GPC6: variants seen among roughly 807,000 people sequenced by gnomAD.
GPC6 encodes glypican-6.
GPC6 carries 14 observed loss-of-function variants against 55.2 expected under a neutral mutation model. The ratio of observed to expected loss-of-function variants is 0.25; its 90% CI spans 0.17 to 0.40. The LOEUF (loss-of-function observed/expected upper bound fraction) is 0.40, where lower values mean the gene tolerates loss of function less well. GPC6 is among the 10% of genes least tolerant of loss of function. The probability of loss-of-function intolerance (pLI) is 1.00; values close to 1 mark genes in which losing one functional copy is unlikely to be tolerated. For synonymous variants in GPC6, 278 were observed against 259.6 expected, an observed-to-expected ratio of 1.07 and a Z score of -0.68; for missense variants, 641 against 708.5, an observed-to-expected ratio of 0.90 and a Z score of 1.08.
intron 1 of GPC6, among the ~76,000 whole-genome samples, chr13:93,249,326 A>T (rs1876708701): frequency 6.6e-6 from 1 of 152,220 alleles, no homozygotes; most frequent in Non-Finnish European, 1.5e-5. Context: ...AATCCTAAAA[A>T]TTGCTGTGTA....
At chr13:94,008,791 C>T (rs980236138) in intron 3 of GPC6, among the ~76,000 whole-genome samples, 4 of 152,084 alleles carry the variant, frequency 2.6e-5, no homozygotes, top group Non-Finnish European at 5.9e-5. Context: ...AATTTGCAAG[C>T]CATTATTATC....
chr13:93,331,180 T>G (rs943264287), intron 1 of GPC6, among the ~76,000 whole-genome samples: 1 of 152,202 alleles, frequency 6.6e-6, no homozygotes, highest in Non-Finnish European at 1.5e-5. Context: ...TCCTTTCTTC[T>G]CTCTTCCTCC....
intron 3 of GPC6, among the ~76,000 whole-genome samples, chr13:94,000,908 G>A (rs531628248): frequency 5.9e-5 from 9 of 152,292 alleles, no homozygotes; most frequent in African/African-American, 2.2e-4. Flanking sequence ...TTACTAAGGA[G>A]CACCTGCTGG....
chr13:93,514,793 A>G (rs1334311043), intron 1 of GPC6, among the ~76,000 whole-genome samples: 2 of 152,206 alleles, frequency 1.3e-5, no homozygotes, highest in African/African-American at 2.4e-5. Flanking sequence ...TTGAGTGTTC[A>G]TGAGGGACAG....
At chr13:93,629,150 T>A (rs945034981) in intron 2 of GPC6, among the ~76,000 whole-genome samples, 7 of 152,154 alleles carry the variant, frequency 4.6e-5, no homozygotes, top group Non-Finnish European at 8.8e-5. Context: ...GAGCTCTGCT[T>A]AGCAGAGTTA....
At chr13:93,302,936 A>G (rs529841965) in intron 1 of GPC6, among the ~76,000 whole-genome samples, 2 of 152,336 alleles carry the variant, frequency 1.3e-5, no homozygotes, top group Admixed American at 1.3e-4. Context: ...AAACATAAGC[A>G]AAACTTGAGC....
chr13:93,749,160 C>T (rs986114238), intron 2 of GPC6, among the ~76,000 whole-genome samples: 7 of 151,998 alleles, frequency 4.6e-5, no homozygotes, highest in Non-Finnish European at 7.4e-5. Flanking sequence ...GTTTCAACTT[C>T]TCACATACTC....
intron 4 of GPC6, among the ~76,000 whole-genome samples, chr13:94,169,493 G>C (rs1888484663): frequency 6.6e-6 from 1 of 152,190 alleles, no homozygotes; most frequent in Admixed American, 6.5e-5. Context: ...CAGAGGGTTA[G>C]AGGGTTAACT....
At chr13:93,761,260 G>A (rs1448591824) in intron 2 of GPC6, among the ~76,000 whole-genome samples, 1 of 152,258 alleles carries the variant, frequency 6.6e-6, no homozygotes, top group East Asian at 1.9e-4. Flanking sequence ...TTTTCTTTTA[G>A]TGTGAAATAT....
At chr13:94,224,576 T>C (rs1378365021) in intron 4 of GPC6, among the ~76,000 whole-genome samples, 2 of 152,044 alleles carry the variant, frequency 1.3e-5, no homozygotes, top group Admixed American at 1.3e-4. Flanking sequence ...ATAAGGTGGA[T>C]GGATGCCTGA....
intron 1 of GPC6, among the ~76,000 whole-genome samples, chr13:93,485,232 G>A (rs530737307): frequency 2.1e-3 from 322 of 152,282 alleles, no homozygotes; most frequent in African/African-American, 7.3e-3. Flanking sequence ...ACAAAGGGGA[G>A]TCCCACAGGT....
At chr13:93,768,753 T>C (rs547260280) in intron 2 of GPC6, among the ~76,000 whole-genome samples, 1 of 152,326 alleles carries the variant, frequency 6.6e-6, no homozygotes, top group South Asian at 2.1e-4. Flanking sequence ...ATGCAGGCTC[T>C]GAAGACTTAT....
At chr13:93,849,874 C>T (rs942506559) in intron 3 of GPC6, among the ~76,000 whole-genome samples, 9 of 151,836 alleles carry the variant, frequency 5.9e-5, no homozygotes, top group East Asian at 3.9e-4. Context: ...ACATTTTTAC[C>T]GTGAATTATT....
chr13:93,306,579 G>C (rs1878865078), intron 1 of GPC6, among the ~76,000 whole-genome samples: 1 of 152,012 alleles, frequency 6.6e-6, no homozygotes, highest in African/African-American at 2.4e-5. Flanking sequence ...AGGAAAAAAT[G>C]TTGCTAAATA....
intron 4 of GPC6, among the ~76,000 whole-genome samples, chr13:94,155,452 G>A (rs1195225020): frequency 6.6e-6 from 1 of 152,168 alleles, no homozygotes; most frequent in Non-Finnish European, 1.5e-5. Flanking sequence ...CACATGAACA[G>A]TAACCACCTT....
chr13:93,958,282 T>C (rs936541946), intron 3 of GPC6, among the ~76,000 whole-genome samples: 6 of 152,130 alleles, frequency 3.9e-5, no homozygotes, highest in African/African-American at 1.4e-4. Context: ...TCAAAAATTC[T>C]TTGCCAAAGA....
rs903109489 is a variant in GPC6, at chr13:93,742,350, A to T, written c.320-87804A>T. Among the ~76,000 whole-genome samples, 65 of 152,326 alleles carry T rather than the reference A, an allele frequency of 4.3e-4. 1 individual carries two copies. The highest frequency in any genetic ancestry group is 1.5e-3 in the African/African-American group (63 of 41,570). ...TTCTAGGTGAGAAGAAATCTCCTAT[A>T]ATTCATTAAATGATAGAGAGTTTGA... On this transcript the variant is annotated intron_variant, in intron 2 of 8. Transcript: ENST00000377047.
intron 2 of GPC6, among the ~76,000 whole-genome samples, chr13:93,799,318 A>T (rs1206176455): frequency 6.6e-6 from 1 of 152,150 alleles, no homozygotes; most frequent in Admixed American, 6.5e-5. Context: ...AATCTGAGTG[A>T]TTTATGATAT....
chr13:93,929,582 A>G (rs900058018), intron 3 of GPC6, among the ~76,000 whole-genome samples: 1 of 152,160 alleles, frequency 6.6e-6, no homozygotes, highest in Non-Finnish European at 1.5e-5. Flanking sequence ...TATTATGTCT[A>G]CTATAAAACA....
Sources: gnomAD v4.1 joint callset for allele counts (sites outside exome capture counted in the v4.1 genomes callset) on GRCh38, gnomAD v4.1.1 for gene constraint, MANE v1.5 for transcripts, NCBI Gene and HGNC (gene_info 2026-07-23, HGNC 2026-07-21) for gene names.